The following CTNNA3 variants were observed in gnomAD, a reference collection of about 807,000 sequenced individuals.
The protein encoded by CTNNA3 is catenin alpha-3.
A neutral mutation model predicts 95.7 loss-of-function variants in CTNNA3; 76 were observed. That is an observed-to-expected ratio of 0.79 (90% CI 0.66 to 0.96). The LOEUF (loss-of-function observed/expected upper bound fraction) is 0.96. Ranked by LOEUF, CTNNA3 falls within the 40% of genes least tolerant of loss-of-function variation. The probability of loss-of-function intolerance (pLI) is 0.00; values close to 1 mark genes in which losing one functional copy is unlikely to be tolerated. For missense variants in CTNNA3, 1,191 were observed against 1,089.8 expected, an observed-to-expected ratio of 1.09 and a Z score of -1.31; for synonymous variants, 431 against 374.4, an observed-to-expected ratio of 1.15 and a Z score of -1.74.
intron 9 of CTNNA3, among the ~76,000 whole-genome samples, chr10:66,755,213 A>G (rs1839316578): frequency 6.6e-6 from 1 of 152,188 alleles, no homozygotes. Flanking sequence ...CATAAAGACC[A>G]CATATTGTAT....
chr10:66,359,830 A>ATT (rs10606849), intron 12 of CTNNA3, among the ~76,000 whole-genome samples: 1 of 143,774 alleles, frequency 7.0e-6, no homozygotes, highest in Non-Finnish European at 1.5e-5. Context: ...TCATCTTACT[A>ATT]TTTTTTTTTT....
intron 2 of CTNNA3, among the ~76,000 whole-genome samples, chr10:67,638,389 G>C (rs1192819649): frequency 2.6e-5 from 4 of 152,124 alleles, no homozygotes; most frequent in Non-Finnish European, 5.9e-5. Context: ...AAGAGACTTA[G>C]ACTCCCACAC....
chr10:66,017,950 A>T (rs992292851), intron 15 of CTNNA3, among the ~76,000 whole-genome samples: 23 of 151,972 alleles, frequency 1.5e-4, no homozygotes, highest in African/African-American at 5.6e-4. Flanking sequence ...CAATTTTGTT[A>T]TCATAGTGAG....
rs113016806 is a variant in CTNNA3, at chr10:67,401,488, C to T, written c.579+120354G>A. On this transcript the variant is annotated intron_variant, in intron 5 of 17. Coordinates refer to ENST00000433211, the MANE Select transcript of CTNNA3 (RefSeq NM_013266.4). The stretch of plus-strand genomic sequence containing the variant: ...GAAGTTAGGCACCCAATGTGGGGTG[C>T]CTGAATGCTAAGGCTGATTTCCAAA... 8.1e-4 allele frequency among the ~76,000 whole-genome samples: 123 copies of T among 152,154 alleles called. 1 individual carries two copies. The highest frequency in any genetic ancestry group is 2.9e-3 in the African/African-American group (119 of 41,510).
chr10:66,635,234 C>A (rs1845294680), intron 9 of CTNNA3, among the ~76,000 whole-genome samples: 1 of 151,890 alleles, frequency 6.6e-6, no homozygotes, highest in African/African-American at 2.4e-5. Context: ...TATTGAAGTA[C>A]CAAAGAGATG....
intron 11 of CTNNA3, among the ~76,000 whole-genome samples, chr10:66,480,255 T>C (rs1243524106): frequency 2.6e-5 from 4 of 152,218 alleles, no homozygotes; most frequent in African/African-American, 9.6e-5. Flanking sequence ...ACTATAATTC[T>C]GGAGGTGGCA....
chr10:67,551,431 G>C (rs977356525), intron 3 of CTNNA3, among the ~76,000 whole-genome samples: 4 of 152,058 alleles, frequency 2.6e-5, no homozygotes, highest in Non-Finnish European at 5.9e-5. Flanking sequence ...CTCAATAAAA[G>C]CTTGAACTCA....
chr10:67,572,758 G>C (rs577311000), intron 3 of CTNNA3, among the ~76,000 whole-genome samples: 1 of 152,250 alleles, frequency 6.6e-6, no homozygotes, highest in East Asian at 1.9e-4. Flanking sequence ...TCTTGAGAAA[G>C]ACTTCTAGAT....
chr10:66,422,172 A>G (rs894761771), intron 11 of CTNNA3, among the ~76,000 whole-genome samples: 1 of 152,114 alleles, frequency 6.6e-6, no homozygotes, highest in Non-Finnish European at 1.5e-5. Flanking sequence ...GTTTGCATGT[A>G]AGTAACTTAT....
At chr10:67,116,011 T>C (rs1859166522) in intron 7 of CTNNA3, among the ~76,000 whole-genome samples, 1 of 152,076 alleles carries the variant, frequency 6.6e-6, no homozygotes, top group South Asian at 2.1e-4. Flanking sequence ...AGTTATTTTT[T>C]CTTTCTTTGT....
chr10:66,435,228 C>A (rs1055644425), intron 11 of CTNNA3, among the ~76,000 whole-genome samples: 8 of 152,078 alleles, frequency 5.3e-5, no homozygotes, highest in African/African-American at 1.9e-4. Flanking sequence ...ATGGAACCAG[C>A]TCTTCTTTGT....
chr10:66,969,799 A>T (rs1190960383), intron 7 of CTNNA3, among the ~76,000 whole-genome samples: 1 of 152,114 alleles, frequency 6.6e-6, no homozygotes, highest in Non-Finnish European at 1.5e-5. Flanking sequence ...TTGAGGAGAA[A>T]AGCTGCCTCT....
At chr10:66,562,053 G>T (rs942270801) in intron 10 of CTNNA3, among the ~76,000 whole-genome samples, 2 of 151,994 alleles carry the variant, frequency 1.3e-5, no homozygotes, top group Non-Finnish European at 1.5e-5. Context: ...AATAGAACTA[G>T]GAGTCAGAAA....
chr10:66,930,078 T>A (rs1847291306), intron 7 of CTNNA3, among the ~76,000 whole-genome samples: 1 of 151,160 alleles, frequency 6.6e-6, no homozygotes, highest in Non-Finnish European at 1.5e-5. Flanking sequence ...TGTTTGGGGG[T>A]TTTTCATATG....
intron 15 of CTNNA3, among the ~76,000 whole-genome samples, chr10:66,016,075 T>C (rs917435658): frequency 6.6e-6 from 1 of 152,216 alleles, no homozygotes; most frequent in African/African-American, 2.4e-5. Flanking sequence ...TAGATCTTGA[T>C]AATCAGATAG....
chr10:67,220,098 C>G (rs1325787186), intron 5 of CTNNA3, among the ~76,000 whole-genome samples: 1 of 152,158 alleles, frequency 6.6e-6, no homozygotes, highest in East Asian at 1.9e-4. Flanking sequence ...CCCCGTAGAG[C>G]AGATGTGTAA....
chr10:66,962,150 G>A (rs1291010551), intron 7 of CTNNA3, among the ~76,000 whole-genome samples: 2 of 152,086 alleles, frequency 1.3e-5, no homozygotes, highest in South Asian at 2.1e-4. Flanking sequence ...TCACTTTCCT[G>A]TTCAAAACCC....
At chr10:65,922,068 A>C (rs571555829) in intron 17 of CTNNA3, among the ~76,000 whole-genome samples, 1 of 152,306 alleles carries the variant, frequency 6.6e-6, no homozygotes, top group African/African-American at 2.4e-5. Context: ...TCAAAGTAAC[A>C]CAGATATTAG....
At chr10:67,694,184 C>T (rs1013201381) in intron 1 of CTNNA3, among the ~76,000 whole-genome samples, 1 of 152,122 alleles carries the variant, frequency 6.6e-6, no homozygotes, top group Non-Finnish European at 1.5e-5. Flanking sequence ...TACTATCTAT[C>T]GGTTTCAGGC....
Sources: gnomAD v4.1 joint callset for allele counts (sites outside exome capture counted in the v4.1 genomes callset) on GRCh38, gnomAD v4.1.1 for gene constraint, MANE v1.5 for transcripts, NCBI Gene and HGNC (gene_info 2026-07-23, HGNC 2026-07-21) for gene names.